The following BIN3 variants were observed in gnomAD, a reference collection of about 807,000 sequenced individuals.
The protein encoded by BIN3 is bridging integrator 3.
A neutral mutation model predicts 38.2 loss-of-function variants in BIN3; 41 were observed. The ratio of observed to expected loss-of-function variants is 1.07; its 90% CI spans 0.84 to 1.39. The LOEUF (loss-of-function observed/expected upper bound fraction) is 1.39, where lower values mean the gene tolerates loss of function less well. BIN3 is among the 40% of genes most tolerant of loss of function. The probability of loss-of-function intolerance (pLI) is 0.00; values close to 1 mark genes in which losing one functional copy is unlikely to be tolerated. For synonymous variants in BIN3, 145 were observed against 122.6 expected (o/e 1.18, Z -1.21); for missense variants, 361 against 324.3 (o/e 1.11, Z -0.87).
chr8:22,641,144 T>G (rs1802544276), intron 2 of BIN3, among the ~76,000 whole-genome samples: 1 of 152,186 alleles, frequency 6.6e-6, no homozygotes, highest in African/African-American at 2.4e-5. Flanking sequence ...CTGAACATCT[T>G]TGAATGCTTG....
chr8:22,627,443 C>T lies in BIN3; in HGVS notation c.338+2521G>A, dbSNP rs374593447. ...CCCGGGGTGGACAGTGGATGTGCCA[C>T]GGTGCTGTGTGGGATCTCAGGTCAG... On this transcript the variant is annotated intron_variant, in intron 6 of 8. Transcript: ENST00000276416. 2.6e-5 allele frequency among the ~76,000 whole-genome samples: 4 copies of T among 152,314 alleles called. 1 individual carries two copies. In the Middle Eastern group the frequency reaches 0.01, roughly 389 times the overall value.
chr8:22,625,318 GCCC>G (rs1280217351), intron 6 of BIN3: 1 of 702,478 alleles, frequency 1.4e-6, no homozygotes, highest in South Asian at 1.5e-5. Context: ...GCAAGCCAGA[GCCC>G]TGCAGTGTCC....
chr8:22,667,830 C>T (rs1803473215), intron 1 of BIN3, among the ~76,000 whole-genome samples: 1 of 152,170 alleles, frequency 6.6e-6, no homozygotes, highest in Non-Finnish European at 1.5e-5. Flanking sequence ...GGGGAGGGGA[C>T]AGATGGTTCG....
In BIN3 at chr8:22,636,974, G is replaced by C. The variant is rs1802387371; in HGVS notation, c.58-12C>G. On this transcript the variant is annotated splice_polypyrimidine_tract_variant and intron_variant, in intron 2 of 8. Coordinates refer to ENST00000276416, the MANE Select transcript of BIN3 (RefSeq NM_018688.6). ...AAGTCTCTCTCCACCTGAAACGAGA[G>C]AGATAACTCAATTATCGGAGAAATG... 2 of 1,612,132 alleles carry C rather than the reference G, an allele frequency of 1.2e-6. No individual in the cohort carries two copies. The highest frequency in any genetic ancestry group is 8.5e-7 in the Non-Finnish European group (1 of 1,178,326).
chr8:22,633,676 T>A (rs1208573344), intron 4 of BIN3, among the ~76,000 whole-genome samples: 1 of 152,220 alleles, frequency 6.6e-6, no homozygotes, highest in Non-Finnish European at 1.5e-5. Flanking sequence ...ACTGTCCAGA[T>A]CAGTGGAGCT....
intron 6 of BIN3, chr8:22,625,198 T>A (rs1202171871): frequency 4.6e-6 from 3 of 647,084 alleles, no homozygotes; most frequent in Non-Finnish European, 8.4e-6. Flanking sequence ...ACCGGCCTCG[T>A]CTTTGTGGAT....
intron 1 of BIN3, among the ~76,000 whole-genome samples, chr8:22,647,593 G>A (rs1380089787): frequency 6.6e-6 from 1 of 152,166 alleles, no homozygotes; most frequent in African/African-American, 2.4e-5. Context: ...ATTCCAAGGG[G>A]CTCATTGTTC....
intron 1 of BIN3, among the ~76,000 whole-genome samples, chr8:22,658,374 A>G (rs1803127560): frequency 6.6e-6 from 1 of 152,248 alleles, no homozygotes; most frequent in South Asian, 2.1e-4. Flanking sequence ...AGCTACAAAT[A>G]TACTTTTTCA....
At chr8:22,644,237 G>A (rs984472125) in intron 2 of BIN3, among the ~76,000 whole-genome samples, 1 of 152,220 alleles carries the variant, frequency 6.6e-6, no homozygotes, top group Non-Finnish European at 1.5e-5. Flanking sequence ...AAAACTGTGG[G>A]CTTAAAGGGG....
rs899950065 is a variant in BIN3, at chr8:22,657,798, C to A, written c.8+11246G>T. Among the ~76,000 whole-genome samples, 38 of 152,262 alleles carry A rather than the reference C, an allele frequency of 2.5e-4. 1 individual carries two copies. The highest frequency in any genetic ancestry group is 4.4e-4 in the Non-Finnish European group (30 of 68,042). On this transcript the variant is annotated intron_variant, in intron 1 of 8. Transcript: ENST00000276416. ...CTTCCCTTGAGTCCCCATTTCATCCCCGTGGGTCTCCCACTGCAGGCACAG... is the reference window on the plus strand; with the variant it reads ...CTTCCCTTGAGTCCCCATTTCATCCACGTGGGTCTCCCACTGCAGGCACAG...
chr8:22,623,553 A>T (rs1463137789), intron 8 of BIN3, among the ~76,000 whole-genome samples: 1 of 152,134 alleles, frequency 6.6e-6, no homozygotes, highest in Non-Finnish European at 1.5e-5. Context: ...CATTCTCCAG[A>T]TCCCTTTCTT....
intron 2 of BIN3, among the ~76,000 whole-genome samples, chr8:22,641,332 G>A (rs1173287187): frequency 1.1e-4 from 16 of 152,196 alleles, no homozygotes; most frequent in Non-Finnish European, 2.4e-4. Context: ...AAGGCCCACG[G>A]TGGGAGGAAA....
intron 1 of BIN3, among the ~76,000 whole-genome samples, chr8:22,663,440 TAAAAAAAAA>T (rs35060338): frequency 7.8e-6 from 1 of 128,690 alleles, no homozygotes; most frequent in African/African-American, 3.1e-5. Context: ...CCGATTTGTT[TAAAAAAAAA>T]AAAAAAAAAA....
intron 6 of BIN3, chr8:22,625,220 T>C (rs1801966740): frequency 1.5e-6 from 1 of 678,266 alleles, no homozygotes; most frequent in Non-Finnish European, 2.7e-6. Context: ...ATGTGTCCTC[T>C]AGTGACCAGG....
chr8:22,662,352 C>T (rs950728053), intron 1 of BIN3, among the ~76,000 whole-genome samples: 5 of 152,224 alleles, frequency 3.3e-5, no homozygotes, highest in Non-Finnish European at 7.3e-5. Context: ...AAAATTTCTG[C>T]CAGTCTGATG....
At chr8:22,632,891 TAG>T (rs1802251632) in intron 4 of BIN3, among the ~76,000 whole-genome samples, 1 of 152,166 alleles carries the variant, frequency 6.6e-6, no homozygotes, top group Non-Finnish European at 1.5e-5. Context: ...GTATTTTTAG[TAG>T]AGACGGGGTT....
chr8:22,655,151 G>T (rs2117583804), intron 1 of BIN3, among the ~76,000 whole-genome samples: 1 of 152,240 alleles, frequency 6.6e-6, no homozygotes, highest in Non-Finnish European at 1.5e-5. Context: ...TATTATTATT[G>T]TTGTTGAGTT....
At position 22,624,307 on chromosome 8, in the gene BIN3, A is replaced by G; in HGVS notation, c.395T>C (p.Leu132Ser). 1.9e-6 allele frequency: 3 copies of G among 1,613,898 alleles called. No individual in the cohort carries two copies. The highest frequency in any genetic ancestry group is 2.5e-6 in the Non-Finnish European group (3 of 1,179,874). Residue 132 changes from leucine (L) to serine (S), a missense_variant, in exon 7 of 9, where the codon TTG (leucine) becomes TCG (serine). Coordinates refer to ENST00000276416, the MANE Select transcript of BIN3 (RefSeq NM_018688.6). ...NMAVKRREQA[L>S]QDYRRLQAKV... ...GGCCTGCAGCCTCCTGTAGTCCTGC[A>G]AGGCCTGTTCCCGCCTCTTCACAGC...
intron 2 of BIN3, among the ~76,000 whole-genome samples, chr8:22,642,547 T>A (rs1802597444): frequency 6.6e-6 from 1 of 152,214 alleles, no homozygotes; most frequent in African/African-American, 2.4e-5. Context: ...GAGTCCCTGA[T>A]GGTTCATAAA....
Sources: allele counts gnomAD v4.1 joint callset (sites outside exome capture counted in the v4.1 genomes callset), GRCh38; gene constraint gnomAD v4.1.1; transcripts MANE v1.5; gene names NCBI Gene and HGNC (gene_info 2026-07-23, HGNC 2026-07-21).